Variants in PITPNC1 observed in about 807,000 individuals in gnomAD.
The protein encoded by PITPNC1 is phosphatidylinositol transfer protein cytoplasmic 1.
A neutral mutation model predicts 44.7 loss-of-function variants in PITPNC1; 18 were observed. That is an observed-to-expected ratio of 0.40 (90% CI 0.28 to 0.60). PITPNC1 has a LOEUF of 0.60. PITPNC1 is among the 20% of genes least tolerant of loss of function. The pLI, the probability that PITPNC1 is intolerant of heterozygous loss-of-function variation, is 0.39. For missense variants in PITPNC1, 290 were observed against 418.4 expected, an observed-to-expected ratio of 0.69 and a Z score of 2.68; for synonymous variants, 141 against 149.6, an observed-to-expected ratio of 0.94 and a Z score of 0.42.
rs2042603159 is a variant in PITPNC1, at chr17:67,676,327, TG to T, written c.682+787del. 6.6e-6 allele frequency among the ~76,000 whole-genome samples: 1 copy of T among 152,190 alleles called. No homozygotes were observed. Among genetic ancestry groups the T allele is most frequent in the South Asian group, 2.1e-4 (1 of 4,834 alleles). On this transcript the variant is annotated intron_variant, in intron 8 of 8. Transcript: ENST00000581322. This position sits in a 1 kb window ranked among gnomAD's most constrained non-coding sequence, Gnocchi z 4.0. Reference sequence around the variant, plus strand: ...TTCATCCTAATTGAAACTATTGTTCTGGCTTTTTTTTCATGATCTGGGAAGA... The same window carrying T: ...TTCATCCTAATTGAAACTATTGTTCTGCTTTTTTTTCATGATCTGGGAAGA...
intron 6 of PITPNC1, among the ~76,000 whole-genome samples, chr17:67,661,866 C>G (rs973550305): frequency 6.6e-6 from 1 of 151,744 alleles, no homozygotes; most frequent in Admixed American, 6.6e-5. Context: ...TGTGGTGGCA[C>G]GCACCTGTCA....
chr17:67,437,928 G>A (rs2038959277), intron 1 of PITPNC1, among the ~76,000 whole-genome samples: 1 of 152,028 alleles, frequency 6.6e-6, no homozygotes, highest in Non-Finnish European at 1.5e-5. Context: ...ATTTAGCTGG[G>A]CGTGGTGGCA....
chr17:67,464,527 A>C (rs1205913845), intron 1 of PITPNC1, among the ~76,000 whole-genome samples: 4 of 152,190 alleles, frequency 2.6e-5, no homozygotes, highest in African/African-American at 4.8e-5. Context: ...AAGTCACAAA[A>C]GGAAGAATGG....
At chr17:67,453,828 G>C (rs1260562003) in intron 1 of PITPNC1, among the ~76,000 whole-genome samples, 8 of 152,300 alleles carry the variant, frequency 5.3e-5, no homozygotes, top group African/African-American at 1.9e-4. Context: ...GTAGAAATGT[G>C]GCCTCATTCT....
At chr17:67,512,659 A>G (rs768656690) in intron 1 of PITPNC1, among the ~76,000 whole-genome samples, 1 of 152,134 alleles carries the variant, frequency 6.6e-6, no homozygotes, top group Admixed American at 6.5e-5. Flanking sequence ...ATTAGACTCT[A>G]AACTCCTTGA....
intron 1 of PITPNC1, among the ~76,000 whole-genome samples, chr17:67,480,181 G>A (rs185209191): frequency 6.6e-6 from 1 of 152,266 alleles, no homozygotes; most frequent in Non-Finnish European, 1.5e-5. Flanking sequence ...GACTTGGAGA[G>A]CTGGAACCTT....
intron 1 of PITPNC1, among the ~76,000 whole-genome samples, chr17:67,481,777 T>TA (rs3052405): frequency 0.053 from 7,780 of 146,326 alleles, 560 homozygotes; most frequent in African/African-American, 0.16. Flanking sequence ...TTTGAAGATT[T>TA]AAAAAAAAAA....
At chr17:67,563,687 C>T (rs2040935340) in intron 4 of PITPNC1, among the ~76,000 whole-genome samples, 1 of 152,198 alleles carries the variant, frequency 6.6e-6, no homozygotes, top group African/African-American at 2.4e-5. Flanking sequence ...AACTACTGAA[C>T]TGTAATATCT....
chr17:67,402,173 G>A (rs1484678652), intron 1 of PITPNC1, among the ~76,000 whole-genome samples: 1 of 152,200 alleles, frequency 6.6e-6, no homozygotes, highest in Non-Finnish European at 1.5e-5. Flanking sequence ...GCGTGGCTGT[G>A]TTCCAGTAAC....
At chr17:67,400,444 T>C (rs1180579778) in intron 1 of PITPNC1, among the ~76,000 whole-genome samples, 1 of 152,208 alleles carries the variant, frequency 6.6e-6, no homozygotes, top group Non-Finnish European at 1.5e-5. Context: ...GCAAAACTAT[T>C]TTGCGAAGAA....
At chr17:67,507,649 A>T (rs2040123124) in intron 1 of PITPNC1, among the ~76,000 whole-genome samples, 1 of 136,198 alleles carries the variant, frequency 7.3e-6, no homozygotes, top group Non-Finnish European at 1.5e-5. Flanking sequence ...GTACTGCTGC[A>T]CTCCAGCCTG....
intron 1 of PITPNC1, among the ~76,000 whole-genome samples, chr17:67,425,391 A>G (rs1437806813): frequency 6.6e-6 from 1 of 151,620 alleles, no homozygotes; most frequent in East Asian, 1.9e-4. Context: ...AAGGGTTGAC[A>G]AACTTTTTTT....
chr17:67,651,654 C>G (rs936938933), intron 6 of PITPNC1, among the ~76,000 whole-genome samples: 1 of 152,186 alleles, frequency 6.6e-6, no homozygotes, highest in Non-Finnish European at 1.5e-5. Context: ...ATTTTCATCA[C>G]CCCACAAAGA....
chr17:67,412,438 C>T (rs2038514765), intron 1 of PITPNC1, among the ~76,000 whole-genome samples: 1 of 152,132 alleles, frequency 6.6e-6, no homozygotes, highest in African/African-American at 2.4e-5. Context: ...AGACCTCATC[C>T]CTCATCCCTG....
At chr17:67,592,455 A>T (rs542999775) in intron 5 of PITPNC1, among the ~76,000 whole-genome samples, 1 of 152,350 alleles carries the variant, frequency 6.6e-6, no homozygotes, top group Admixed American at 6.5e-5. Flanking sequence ...ATTAAATGTA[A>T]TTCCAATCAA....
intron 2 of PITPNC1, among the ~76,000 whole-genome samples, chr17:67,533,438 A>G (rs1254931448): frequency 6.6e-6 from 1 of 152,196 alleles, no homozygotes; most frequent in African/African-American, 2.4e-5. Context: ...AGAGCCTGGA[A>G]GGTGGAGGCT....
chr17:67,652,632 C>T (rs1016995082), intron 6 of PITPNC1, among the ~76,000 whole-genome samples: 6 of 152,220 alleles, frequency 3.9e-5, no homozygotes, highest in African/African-American at 1.2e-4. Flanking sequence ...TGCAGCCCCA[C>T]GCGTTCCCCA....
intron 1 of PITPNC1, among the ~76,000 whole-genome samples, chr17:67,412,958 G>A (rs1267495046): frequency 2.0e-5 from 3 of 152,096 alleles, no homozygotes; most frequent in Admixed American, 1.3e-4. Context: ...CCTTATTACT[G>A]TTTTTTCCTC....
intron 2 of PITPNC1, among the ~76,000 whole-genome samples, chr17:67,546,137 A>C (rs2040678291): frequency 6.6e-6 from 1 of 151,780 alleles, no homozygotes; most frequent in Admixed American, 6.6e-5. Flanking sequence ...AGGTCATGCC[A>C]CTGCACTCCA....
Sources: gnomAD v4.1 joint callset for allele counts (sites outside exome capture counted in the v4.1 genomes callset) on GRCh38, gnomAD v4.1.1 for gene constraint, Gnocchi (gnomAD v3.1) non-coding constraint, MANE v1.5 for transcripts, NCBI Gene and HGNC (gene_info 2026-07-23, HGNC 2026-07-21) for gene names.